Variants in UNC5A observed in about 807,000 individuals in gnomAD.
The protein encoded by UNC5A is netrin receptor UNC5A.
In UNC5A, 20 loss-of-function variants were observed where a neutral mutation model predicts 87.4. The ratio of observed to expected loss-of-function variants is 0.23; its 90% CI spans 0.16 to 0.33. The LOEUF (loss-of-function observed/expected upper bound fraction) is 0.33, where lower values mean the gene tolerates loss of function less well. UNC5A is among the 10% of genes least tolerant of loss of function. The pLI, the probability that UNC5A is intolerant of heterozygous loss-of-function variation, is 1.00. For missense variants in UNC5A, 844 were observed against 1,133.4 expected, an observed-to-expected ratio of 0.74 and a Z score of 3.67; for synonymous variants, 438 against 482.3, an observed-to-expected ratio of 0.91 and a Z score of 1.20.
intron 1 of UNC5A, among the ~76,000 whole-genome samples, chr5:176,850,714 G>A (rs182152803): frequency 6.6e-6 from 1 of 152,314 alleles, no homozygotes; most frequent in African/African-American, 2.4e-5. Flanking sequence ...CCCATGAGTG[G>A]GAGCTGGGTT....
intron 1 of UNC5A, among the ~76,000 whole-genome samples, chr5:176,831,299 G>A (rs904017550): frequency 6.6e-6 from 1 of 152,122 alleles, no homozygotes; most frequent in Non-Finnish European, 1.5e-5. Context: ...TTATGGGGCT[G>A]CAGCTGGTAA....
In UNC5A at chr5:176,838,600, G is replaced by T. The variant is rs2113617471; in HGVS notation, c.71-24024G>T. 6.6e-6 allele frequency among the ~76,000 whole-genome samples: 1 copy of T among 152,372 alleles called. No individual in the cohort carries two copies. Among genetic ancestry groups the T allele is most frequent in the African/African-American group, 2.4e-5 (1 of 41,596 alleles). ...GCGCTGGCTCAGACAACAGCACTCT[G>T]GAGCTACCCTGCTCGCTGTTCTGCT... On this transcript the variant is annotated intron_variant, in intron 1 of 14. Transcript: ENST00000329542. The surrounding 1 kb of genome is among the most constrained non-coding windows in gnomAD (Gnocchi z 4.2).
Position 176,831,883 on chromosome 5 carries a change from CTCTTTTTTTTTT to C in UNC5A, c.70+21065_70+21076del, listed in dbSNP as rs774674074. Among the ~76,000 whole-genome samples the C allele has an allele frequency of 9.8e-3, 1,133 of 115,188 alleles. 119 individuals carry two copies. Among genetic ancestry groups the C allele is most frequent in the East Asian group, 0.017 (70 of 4,156 alleles). 75.6% of individuals were successfully genotyped at this position (115,188 alleles called of 152,430 possible). On this transcript the variant is annotated intron_variant, in intron 1 of 14. Transcript: ENST00000329542. ...TTTCACTTTCACACACTTTCTCTCT[CTCTTTTTTTTTT>C]TTTTTTTTTTTTTTTTTTTGAGACA...
At chr5:176,846,524 C>T (rs1437930341) in intron 1 of UNC5A, among the ~76,000 whole-genome samples, 5 of 152,166 alleles carry the variant, frequency 3.3e-5, no homozygotes, top group Non-Finnish European at 5.9e-5. Context: ...AGCTTGGTGA[C>T]ATCTCCTCCA....
At position 176,874,978 on chromosome 5, in the gene UNC5A, A is replaced by G. The variant is rs551688904; in HGVS notation, c.1378+412A>G. ...GGCTTCCACCCACCCCAGCACCGAA[A>G]CCCTCTGAAGAACTCTTTCCATGGC... On this transcript the variant is annotated intron_variant, in intron 8 of 14. Transcript: ENST00000329542. The surrounding 1 kb of genome is among the most constrained non-coding windows in gnomAD (Gnocchi z 7.6). 1.3e-5 allele frequency among the ~76,000 whole-genome samples: 2 copies of G among 152,152 alleles called. No homozygotes were observed. The highest frequency in any genetic ancestry group is 3.9e-4 in the East Asian group (2 of 5,172).
chr5:176,867,685 C>T (rs557793052), intron 2 of UNC5A, among the ~76,000 whole-genome samples: 4 of 152,294 alleles, frequency 2.6e-5, no homozygotes, highest in African/African-American at 7.2e-5. Flanking sequence ...TGCTAGCCCC[C>T]GAGGGAGGGG....
In UNC5A at chr5:176,868,623, G is replaced by C. The variant is rs150169358; in HGVS notation, c.499G>C (p.Val167Leu). 2.0e-5 allele frequency: 32 copies of C among 1,605,882 alleles called. No individual in the cohort carries two copies. The highest frequency in any genetic ancestry group is 2.7e-5 in the Non-Finnish European group (32 of 1,176,960). The stretch of plus-strand genomic sequence containing the variant: ...GGAGGTGTCCCTGGAGCAGGGCATC[G>C]TGCTGCCCTGCCGTCCACCGGAGGG... ...AKEVSLEQGI[V>L]LPCRPPEGIP... Residue 167 changes from valine to leucine, a missense_variant, in exon 4 of 15, where the codon GTG becomes CTG. By Grantham distance (32) the Val-to-Leu change is conservative (BLOSUM62 1). Transcript: ENST00000329542.
chr5:176,825,555 G>A (rs1756831684), intron 1 of UNC5A, among the ~76,000 whole-genome samples: 1 of 152,212 alleles, frequency 6.6e-6, no homozygotes, highest in Non-Finnish European at 1.5e-5. Flanking sequence ...GGTAGAAAAG[G>A]CACAGGATGC....
At chr5:176,858,875 G>A (rs1343937001) in intron 1 of UNC5A, among the ~76,000 whole-genome samples, 2 of 152,244 alleles carry the variant, frequency 1.3e-5, no homozygotes, top group East Asian at 1.9e-4. Context: ...CGAGAGGCTC[G>A]GCTGTGCCTT....
In UNC5A at chr5:176,844,279, C is replaced by T. The variant is rs775261962; in HGVS notation, c.71-18345C>T. 2.6e-5 allele frequency among the ~76,000 whole-genome samples: 4 copies of T among 152,124 alleles called. No homozygotes were observed. Among genetic ancestry groups the T allele is most frequent in the East Asian group, 3.9e-4 (2 of 5,184 alleles). On this transcript the variant is annotated intron_variant, in intron 1 of 14. Coordinates refer to ENST00000329542, the MANE Select transcript of UNC5A (RefSeq NM_133369.3). This position sits in a 1 kb window ranked among gnomAD's most constrained non-coding sequence, Gnocchi z 4.2. ...TTGGTCCTGGTATCCCGTGGGCCACCGGGGTTCTCTTGGTGGGTGTGGCAC... is the reference window on the plus strand; with the variant it reads ...TTGGTCCTGGTATCCCGTGGGCCACTGGGGTTCTCTTGGTGGGTGTGGCAC...
intron 1 of UNC5A, among the ~76,000 whole-genome samples, chr5:176,822,532 C>T (rs1756752722): frequency 6.6e-6 from 1 of 152,238 alleles, no homozygotes; most frequent in African/African-American, 2.4e-5. Context: ...AGTGACTTGG[C>T]TGAGTAGGAC....
intron 2 of UNC5A, chr5:176,864,900 C>T: frequency 4.4e-6 from 2 of 451,178 alleles, no homozygotes; most frequent in South Asian, 3.1e-5. Context: ...CTCTCCCGGC[C>T]CCAGCGGAGG....
In UNC5A at chr5:176,869,538, T is replaced by C; in HGVS notation, c.721+574T>C. On this transcript the variant is annotated intron_variant, in intron 5 of 14. Coordinates refer to ENST00000329542, the MANE Select transcript of UNC5A (RefSeq NM_133369.3). The surrounding 1 kb of genome is among the most constrained non-coding windows in gnomAD (Gnocchi z 9.1). ...TGTCCAGCTCACAGCCCCTCTGCCC[T>C]CACGCCCCGTCCCCTGGGCCAGTGT... The C allele has an allele frequency of 1.5e-6, 1 of 651,220 alleles. No individual in the cohort carries two copies. The highest frequency in any genetic ancestry group is 2.8e-6 in the Non-Finnish European group (1 of 355,074). 40.3% of individuals were successfully genotyped at this position (651,220 alleles called of 1,614,324 possible). A position where few individuals can be genotyped will look rare whatever the true frequency, so the allele number is the denominator to read the frequency against.
chr5:176,813,593 T>A (rs1215955675), intron 1 of UNC5A, among the ~76,000 whole-genome samples: 1 of 152,132 alleles, frequency 6.6e-6, no homozygotes, highest in Non-Finnish European at 1.5e-5. Flanking sequence ...CACTTGCCTG[T>A]GTTGGGAGGG....
At position 176,879,781 on chromosome 5, in the gene UNC5A, G is replaced by A; in HGVS notation, c.2424G>A (p.Glu808=). The change falls in exon 15 of 15, where the codon GAG becomes GAA. Residue 808 remains glutamate (E), a synonymous_variant. Coordinates refer to ENST00000329542, the MANE Select transcript of UNC5A (RefSeq NM_133369.3). ...CAGCCATGATCCTCAACCTGTGGGA[G>A]GCGCGGCACTTCCCCAACGGCAACC... is the stretch of plus-strand genomic sequence containing the variant. The part of the protein sequence containing the change: ...SPTAMILNLW[E]ARHFPNGNLS... 6.2e-7 allele frequency: 1 copy of A among 1,613,512 alleles called. No individual in the cohort carries two copies. The highest frequency in any genetic ancestry group is 1.7e-5 in the Admixed American group (1 of 60,022).
At chr5:176,846,165 G>T (rs997066413) in intron 1 of UNC5A, among the ~76,000 whole-genome samples, 1 of 152,126 alleles carries the variant, frequency 6.6e-6, no homozygotes, top group African/African-American at 2.4e-5. Flanking sequence ...GGCACTTTCT[G>T]CCCTGAGGTC....
In UNC5A at chr5:176,873,970, G is replaced by T; in HGVS notation, c.889G>T (p.Ala297Ser). Residue 297 changes from alanine to serine, a missense_variant and splice_region_variant, in exon 7 of 15, where the codon GCT becomes TCT. By Grantham distance (99) the Ala-to-Ser change is moderately conservative (BLOSUM62 1). Transcript: ENST00000329542. ...CAAGGCCATGCTGTCTCCCGCAGCT[G>T]CTTCTGGCCCTGAGGACGTGGCCCT... The part of the protein sequence containing the change: ...NCTSDLCVHT[A>S]SGPEDVALYV... 1 of 1,612,674 alleles carries T rather than the reference G, an allele frequency of 6.2e-7. No individual in the cohort carries two copies. Among genetic ancestry groups the T allele is most frequent in the Non-Finnish European group, 8.5e-7 (1 of 1,179,408 alleles).
intron 1 of UNC5A, among the ~76,000 whole-genome samples, chr5:176,859,814 C>G (rs1363678676): frequency 6.6e-6 from 1 of 150,412 alleles, no homozygotes; most frequent in Non-Finnish European, 1.5e-5. Context: ...TGCTAGAGGT[C>G]ATAGCTGCTA....
At chr5:176,855,830 CA>C (rs1246219972) in intron 1 of UNC5A, among the ~76,000 whole-genome samples, 28 of 152,348 alleles carry the variant, frequency 1.8e-4, no homozygotes, top group African/African-American at 6.7e-4. Context: ...ATCCAGGGCT[CA>C]GGGGTGCAAT....
Sources: allele counts gnomAD v4.1 joint callset (sites outside exome capture counted in the v4.1 genomes callset), GRCh38; gene constraint gnomAD v4.1.1; non-coding constraint Gnocchi (gnomAD v3.1); transcripts MANE v1.5; gene names NCBI Gene and HGNC (gene_info 2026-07-23, HGNC 2026-07-21).